The following RSPO2 variants were observed in gnomAD, a reference collection of about 807,000 sequenced individuals.
RSPO2 encodes the protein R-spondin 2, also known as R-spondin-2.
A neutral mutation model predicts 30.9 loss-of-function variants in RSPO2; 14 were observed. The observed-to-expected ratio is 0.45, with a 90% CI of 0.30 to 0.71. The LOEUF (loss-of-function observed/expected upper bound fraction) is 0.71, where lower values mean the gene tolerates loss of function less well. RSPO2 is among the 30% of genes least tolerant of loss of function. RSPO2 has a pLI of 0.08. For missense variants in RSPO2, 264 were observed against 301.9 expected (o/e 0.87, Z 0.93); for synonymous variants, 107 against 96.4 (o/e 1.11, Z -0.64).
At chr8:108,048,739 T>C (rs908198074) in intron 2 of RSPO2, among the ~76,000 whole-genome samples, 2 of 152,190 alleles carry the variant, frequency 1.3e-5, no homozygotes, top group African/African-American at 4.8e-5. Context: ...CTTGCTTCTC[T>C]AGTTCTTTTA....
At chr8:108,045,320 G>T (rs1455719243) in intron 2 of RSPO2, among the ~76,000 whole-genome samples, 2 of 152,178 alleles carry the variant, frequency 1.3e-5, no homozygotes, top group South Asian at 4.1e-4. Context: ...ATGAAAAAAT[G>T]CTCCCTATCA....
chr8:108,045,399 G>A (rs149896512), intron 2 of RSPO2, among the ~76,000 whole-genome samples: 3 of 152,080 alleles, frequency 2.0e-5, no homozygotes, highest in Non-Finnish European at 4.4e-5. Context: ...GAATGGCTAT[G>A]ACCCAAAAGT....
At position 108,057,635 on chromosome 8, in the gene RSPO2, C is replaced by A. The variant is rs114690550; in HGVS notation, c.94+24910G>T. 5.2e-3 allele frequency among the ~76,000 whole-genome samples: 788 copies of A among 151,940 alleles called. 9 individuals are homozygous for A. Among genetic ancestry groups the A allele is most frequent in the African/African-American group, 0.018 (742 of 41,504 alleles). ...ATATAAATGACATCAATGGCTGACC[C>A]CAAATAGTGGATACAGATCATTTAT... On this transcript the variant is annotated intron_variant, in intron 2 of 5. Transcript: ENST00000276659.
intron 2 of RSPO2, among the ~76,000 whole-genome samples, chr8:108,050,089 G>A (rs1037515464): frequency 1.3e-5 from 2 of 152,116 alleles, no homozygotes; most frequent in South Asian, 4.1e-4. Context: ...TGCAGGAGGG[G>A]TTGGGGGGAA....
chr8:108,037,298 T>C (rs559662604), intron 2 of RSPO2, among the ~76,000 whole-genome samples: 8 of 152,252 alleles, frequency 5.3e-5, no homozygotes, highest in African/African-American at 1.9e-4. Flanking sequence ...GAAGTCTGGA[T>C]AGAAGAATAA....
rs7815320 is a variant in RSPO2 at position 108,032,834 on chromosome 8, C to A, written c.95-43590G>T. Reference sequence around the variant, plus strand: ...TTTTACTTTGGGAGGCCGAGGCAGGCGGATCACAAGGTCAGGAGATCGAGA... The same window carrying A: ...TTTTACTTTGGGAGGCCGAGGCAGGAGGATCACAAGGTCAGGAGATCGAGA... On this transcript the variant is annotated intron_variant, in intron 2 of 5. Coordinates refer to ENST00000276659, the MANE Select transcript of RSPO2 (RefSeq NM_178565.5). 5.3e-5 allele frequency among the ~76,000 whole-genome samples: 8 copies of A among 151,660 alleles called. No homozygotes were observed. The South Asian group carries it at 1.7e-3, about 32-fold the overall frequency.
intron 2 of RSPO2, among the ~76,000 whole-genome samples, chr8:108,048,446 G>T (rs1330392338): frequency 6.6e-6 from 1 of 151,840 alleles, no homozygotes; most frequent in Non-Finnish European, 1.5e-5. Context: ...CTTCAGTAAT[G>T]TTAAGAAAAT....
chr8:107,999,003 G>A (rs1481819548), intron 2 of RSPO2, among the ~76,000 whole-genome samples: 14 of 151,974 alleles, frequency 9.2e-5, no homozygotes, highest in East Asian at 3.9e-4. Flanking sequence ...GGGATCGTGC[G>A]CCACTGTACT....
Position 107,901,145 on chromosome 8 carries a change from T to C in RSPO2, c.662A>G (p.Lys221Arg). The change falls in exon 6 of 6, where the codon AAA becomes AGA. Residue 221 changes from lysine to arginine, a missense_variant. Lys to Arg is a conservative substitution (Grantham distance 26). Transcript: ENST00000276659. ...CTGGGCCCTTTCTATCAGCTTCCTT[T>C]TCTTTTTCTTGTTCCTCTTCTCCTT... ...KAKEKRNKKK[K>R]RKLIERAQEQ... 6.2e-7 allele frequency: 1 copy of C among 1,614,148 alleles called. No individual in the cohort carries two copies. The highest frequency in any genetic ancestry group is 1.1e-5 in the South Asian group (1 of 91,076).
At chr8:108,065,681 T>G (rs1812644287) in intron 2 of RSPO2, among the ~76,000 whole-genome samples, 1 of 151,152 alleles carries the variant, frequency 6.6e-6, no homozygotes, top group Non-Finnish European at 1.5e-5. Flanking sequence ...AAAAAAACTT[T>G]ACTGTCCCCT....
At chr8:107,966,322 G>C (rs964630374) in intron 3 of RSPO2, among the ~76,000 whole-genome samples, 1 of 152,086 alleles carries the variant, frequency 6.6e-6, no homozygotes, top group East Asian at 1.9e-4. Flanking sequence ...CATCCTGACA[G>C]GTACATAGAA....
At chr8:108,060,457 A>C (rs1812416800) in intron 2 of RSPO2, among the ~76,000 whole-genome samples, 1 of 151,856 alleles carries the variant, frequency 6.6e-6, no homozygotes, top group South Asian at 2.1e-4. Context: ...AATGAATGAA[A>C]TGAAGCGAGA....
At chr8:108,010,234 AG>A (rs1810657024) in intron 2 of RSPO2, among the ~76,000 whole-genome samples, 1 of 152,122 alleles carries the variant, frequency 6.6e-6, no homozygotes, top group Admixed American at 6.6e-5. Context: ...CAGAGTGGGG[AG>A]AGAAGAAAAC....
intron 2 of RSPO2, among the ~76,000 whole-genome samples, chr8:108,038,229 G>A (rs1252298696): frequency 6.6e-6 from 1 of 152,196 alleles, no homozygotes; most frequent in East Asian, 1.9e-4. Flanking sequence ...CAAAACTTCA[G>A]TGGAGTGAGT....
chr8:108,040,696 G>A (rs1030096847), intron 2 of RSPO2, among the ~76,000 whole-genome samples: 2 of 152,106 alleles, frequency 1.3e-5, no homozygotes, highest in Non-Finnish European at 2.9e-5. Flanking sequence ...ATGGAGGAAG[G>A]GGGCTGACAA....
chr8:108,036,561 C>A (rs185928162), intron 2 of RSPO2, among the ~76,000 whole-genome samples: 2 of 152,306 alleles, frequency 1.3e-5, no homozygotes, highest in East Asian at 1.9e-4. Context: ...GTAGCTATAC[C>A]TTTACCCATT....
chr8:108,033,882 TA>T (rs1811507933), intron 2 of RSPO2, among the ~76,000 whole-genome samples: 1 of 152,204 alleles, frequency 6.6e-6, no homozygotes, highest in African/African-American at 2.4e-5. Context: ...ATCTGAAAAC[TA>T]AAAACTACAA....
chr8:108,017,556 T>C (rs989396242), intron 2 of RSPO2, among the ~76,000 whole-genome samples: 37 of 152,228 alleles, frequency 2.4e-4, no homozygotes, highest in African/African-American at 8.9e-4. Flanking sequence ...AATAAAAGCA[T>C]GTTATGGAAA....
At chr8:107,927,186 T>G (rs1039745939) in intron 5 of RSPO2, among the ~76,000 whole-genome samples, 20 of 152,180 alleles carry the variant, frequency 1.3e-4, no homozygotes, top group South Asian at 2.1e-4. Flanking sequence ...CTCATGATTT[T>G]GCTCTGTGTT....
Sources: gnomAD v4.1 joint callset for allele counts (sites outside exome capture counted in the v4.1 genomes callset) on GRCh38, gnomAD v4.1.1 for gene constraint, MANE v1.5 for transcripts, NCBI Gene and HGNC (gene_info 2026-07-23, HGNC 2026-07-21) for gene names.